AHCTF1: variants seen among roughly 807,000 people sequenced by gnomAD.
AHCTF1 encodes the protein protein ELYS.
In AHCTF1, 24 loss-of-function variants were observed where a neutral mutation model predicts 248.4. The ratio of observed to expected loss-of-function variants is 0.10; its 90% CI spans 0.07 to 0.14. AHCTF1 has a LOEUF of 0.14. Among genes scored for constraint, AHCTF1 ranks in the 10% least tolerant of loss-of-function variants. The probability of loss-of-function intolerance (pLI) is 1.00; values close to 1 mark genes in which losing one functional copy is unlikely to be tolerated. For synonymous variants in AHCTF1, 786 were observed against 929.8 expected (o/e 0.85, Z 2.81); for missense variants, 2,206 against 2,636.2 (o/e 0.84, Z 3.57).
At chr1:246,904,558 T>C (rs1320752273) in intron 6 of AHCTF1, among the ~76,000 whole-genome samples, 1 of 152,030 alleles carries the variant, frequency 6.6e-6, no homozygotes, top group Non-Finnish European at 1.5e-5. Context: ...CAAAGGACAA[T>C]GGGGAGTATG....
intron 7 of AHCTF1, among the ~76,000 whole-genome samples, chr1:246,902,880 A>C (rs778944314): frequency 1.8e-4 from 28 of 152,242 alleles, no homozygotes; most frequent in Non-Finnish European, 3.7e-4. Context: ...AAAAATAATT[A>C]CCAACAAGTC....
Position 246,857,827 on chromosome 1 carries a change from C to T in AHCTF1, c.4133-13G>A. On this transcript the variant is annotated splice_polypyrimidine_tract_variant and intron_variant, in intron 29 of 35. Transcript: ENST00000648844. ...TCTTCTAAATTGCCTATAAGTCATA[C>T]AAATAAGAATATTATTTATGCTAAA... The T allele has an allele frequency of 6.3e-7, 1 of 1,589,428 alleles. No individual in the cohort carries two copies. The highest frequency in any genetic ancestry group is 8.6e-7 in the Non-Finnish European group (1 of 1,162,382).
At chr1:246,854,878 C>G (rs9783101) in intron 31 of AHCTF1, among the ~76,000 whole-genome samples, 34,840 of 152,092 alleles carry the variant, frequency 0.23, 4,215 homozygotes, top group East Asian at 0.43. Context: ...TCCAACATAT[C>G]GGGAGAAATG....
chr1:246,843,152 T>C (rs1660000010), intron 34 of AHCTF1, among the ~76,000 whole-genome samples: 1 of 152,240 alleles, frequency 6.6e-6, no homozygotes, highest in South Asian at 2.1e-4. Context: ...AATACACACA[T>C]GGCTATTCAC....
At chr1:246,927,417 A>T (rs566352318) in intron 1 of AHCTF1, among the ~76,000 whole-genome samples, 2 of 152,270 alleles carry the variant, frequency 1.3e-5, no homozygotes, top group East Asian at 3.9e-4. Flanking sequence ...TGAACCGGGG[A>T]GGTGGAGGTA....
chr1:246,867,423 C>G, intron 25 of AHCTF1, 72 bp from the exon 26 acceptor site: 1 of 1,082,686 alleles, frequency 9.2e-7, no homozygotes, highest in Non-Finnish European at 1.3e-6. Context: ...GATGGGAGAA[C>G]AGAGGGTTTT....
At chr1:246,926,401 C>T (rs1210287309) in intron 1 of AHCTF1, among the ~76,000 whole-genome samples, 1 of 152,138 alleles carries the variant, frequency 6.6e-6, no homozygotes, top group Non-Finnish European at 1.5e-5. Context: ...AAGAGGAGTA[C>T]TTATTTCTCC....
At chr1:246,904,076 A>G (rs1665211274) in intron 6 of AHCTF1, 43 bp from the exon 7 acceptor site, 1 of 1,496,046 alleles carries the variant, frequency 6.7e-7, no homozygotes, top group South Asian at 1.1e-5. Context: ...ATATTAATAC[A>G]TTAAACATCT....
chr1:246,882,877 CA>C (rs1663552660), intron 21 of AHCTF1, among the ~76,000 whole-genome samples: 1 of 152,188 alleles, frequency 6.6e-6, no homozygotes, highest in South Asian at 2.1e-4. Flanking sequence ...TAGAGAAATG[CA>C]AAGATGCTCT....
At position 246,877,029 on chromosome 1, in the gene AHCTF1, A is replaced by T; in HGVS notation, c.2858T>A (p.Phe953Tyr). The change falls in exon 23 of 36, where the codon TTC (phenylalanine) becomes TAC (tyrosine). Residue 953 changes from phenylalanine to tyrosine, a missense_variant. This residue lies in a region of AHCTF1 where 955 missense variants were observed against 1,055.6 expected (regional missense o/e 0.90). Coordinates refer to ENST00000648844, the MANE Select transcript of AHCTF1 (RefSeq NM_001323342.2). ...ACGCTGCAAATGGTGCACTAAAAGGAATTCATGATTCTGAACGCTGGCACT... is the reference window on the plus strand; with the variant it reads ...ACGCTGCAAATGGTGCACTAAAAGGTATTCATGATTCTGAACGCTGGCACT... ...QSSASVQNHE[F>Y]LLVHHLQRAN... The T allele has an allele frequency of 6.2e-7, 1 of 1,612,202 alleles. No individual in the cohort carries two copies. The highest frequency in any genetic ancestry group is 1.1e-5 in the South Asian group (1 of 91,000).
rs371546935 is a variant in AHCTF1, at chr1:246,842,727, C to T, written c.6575G>A (p.Arg2192Gln). 50 of 1,613,566 alleles carry T rather than the reference C, an allele frequency of 3.1e-5. No homozygotes were observed. Among genetic ancestry groups the T allele is most frequent in the Non-Finnish European group, 4.1e-5 (48 of 1,179,998 alleles). Residue 2192 changes from arginine (R) to glutamine (Q), a missense_variant, in exon 35 of 36, where the codon CGA (arginine) becomes CAA (glutamine). By Grantham distance (43) the Arg-to-Gln change is conservative (BLOSUM62 1). Coordinates refer to ENST00000648844, the MANE Select transcript of AHCTF1 (RefSeq NM_001323342.2). ...TTGTTTTGTTTTTGACGTCCTGATT[C>T]GTTTCGCTTTTGGCTTTCCCAGAGT... ...VETLGKPKAK[R>Q]IRTSKTKQAS...
At chr1:246,910,997 T>C (rs890690601) in intron 4 of AHCTF1, among the ~76,000 whole-genome samples, 2 of 152,244 alleles carry the variant, frequency 1.3e-5, no homozygotes, top group East Asian at 1.9e-4. Flanking sequence ...GTTGTAATCA[T>C]AAATTACTTT....
At chr1:246,857,931 G>T (rs1661218540) in intron 29 of AHCTF1, 117 bp from the exon 30 acceptor site, 1 of 896,392 alleles carries the variant, frequency 1.1e-6, no homozygotes, top group Non-Finnish European at 1.7e-6. Flanking sequence ...TTTTAGGTTT[G>T]CTGCTGTGTT....
chr1:246,914,814 C>T (rs1666031739), intron 3 of AHCTF1, among the ~76,000 whole-genome samples: 1 of 152,154 alleles, frequency 6.6e-6, no homozygotes, highest in Admixed American at 6.5e-5. Context: ...GTTCAGGAAC[C>T]TTGTTTCTTC....
chr1:246,879,268 A>C (rs1030601444), intron 21 of AHCTF1, among the ~76,000 whole-genome samples: 1 of 152,194 alleles, frequency 6.6e-6, no homozygotes, highest in Admixed American at 6.5e-5. Flanking sequence ...TGAGATGAAG[A>C]GACAAAAAAT....
chr1:246,908,064 T>A (rs1192927666), intron 4 of AHCTF1, among the ~76,000 whole-genome samples: 1 of 152,172 alleles, frequency 6.6e-6, no homozygotes, highest in East Asian at 1.9e-4. Context: ...CTGATTTATT[T>A]CTTTATTGAA....
At chr1:246,866,362 C>T (rs1024416720) in intron 26 of AHCTF1, among the ~76,000 whole-genome samples, 6 of 152,024 alleles carry the variant, frequency 3.9e-5, no homozygotes, top group Non-Finnish European at 7.4e-5. Context: ...AAAAGAATGT[C>T]GGTAATAACG....
chr1:246,852,265 T>A (rs1292246577), intron 32 of AHCTF1, among the ~76,000 whole-genome samples: 1 of 152,176 alleles, frequency 6.6e-6, no homozygotes, highest in East Asian at 1.9e-4. Flanking sequence ...ACTTTACTCA[T>A]CTATTTGGCA....
At chr1:246,885,769 T>C in intron 20 of AHCTF1, 89 bp from the exon 21 acceptor site, 1 of 1,221,658 alleles carries the variant, frequency 8.2e-7, no homozygotes, top group Non-Finnish European at 1.1e-6. Flanking sequence ...ACCACAAAAA[T>C]CCAGATAAGA....
Sources: gnomAD v4.1 joint callset for allele counts (sites outside exome capture counted in the v4.1 genomes callset) on GRCh38, gnomAD v4.1.1 for gene constraint, gnomAD v4.1.1 regional missense constraint, MANE v1.5 for transcripts, NCBI Gene and HGNC (gene_info 2026-07-23, HGNC 2026-07-21) for gene names.